Variants in KL observed in about 807,000 individuals in gnomAD.
The protein encoded by KL is klotho.
In KL, 62 loss-of-function variants were observed where a neutral mutation model predicts 84.2. The observed-to-expected ratio is 0.74, with a 90% CI of 0.60 to 0.91. The LOEUF (loss-of-function observed/expected upper bound fraction) is 0.91, where lower values mean the gene tolerates loss of function less well. Ranked by LOEUF, KL falls within the 40% of genes least tolerant of loss-of-function variation. KL has a pLI of 0.00. For missense variants in KL, 1,261 were observed against 1,305.7 expected, an observed-to-expected ratio of 0.97 and a Z score of 0.53; for synonymous variants, 528 against 528.0, an observed-to-expected ratio of 1.00 and a Z score of 0.00.
chr13:33,059,687 G>A (rs1024134309), intron 3 of KL, among the ~76,000 whole-genome samples: 2 of 152,118 alleles, frequency 1.3e-5, no homozygotes, highest in Non-Finnish European at 2.9e-5. Context: ...TGGTCAGGCT[G>A]GTCTCAAACT....
chr13:33,022,532 A>G (rs976438712), intron 1 of KL, among the ~76,000 whole-genome samples: 1 of 152,220 alleles, frequency 6.6e-6, no homozygotes. Flanking sequence ...CTTGAAATCT[A>G]TATTTAAACA....
chr13:33,018,910 C>T (rs570395130), intron 1 of KL, among the ~76,000 whole-genome samples: 9 of 152,300 alleles, frequency 5.9e-5, no homozygotes, highest in African/African-American at 1.9e-4. Context: ...AAGATAAAGA[C>T]TTGCGTGCTC....
Position 33,016,960 on chromosome 13 carries a change from C to A in KL, c.520C>A (p.Arg174=). 4 of 1,602,652 alleles carry A rather than the reference C, an allele frequency of 2.5e-6. No individual in the cohort carries two copies. Among genetic ancestry groups the A allele is most frequent in the Non-Finnish European group, 3.4e-6 (4 of 1,176,394 alleles). The change falls in exon 1 of 5, where the codon CGG becomes AGG. Residue 174 remains arginine, a synonymous_variant. Transcript: ENST00000380099. ...VPNREGLRYY[R]RLLERLRELG... The stretch of plus-strand genomic sequence containing the variant: ...CAACCGCGAGGGGCTGCGCTACTAC[C>A]GGCGCCTGCTGGAGCGGCTGCGGGA...
At position 33,016,656 on chromosome 13, in the gene KL, C is replaced by G; in HGVS notation, c.216C>G (p.Ala72=). The G allele has an allele frequency of 6.3e-7, 1 of 1,585,586 alleles. No individual in the cohort carries two copies. The highest frequency in any genetic ancestry group is 8.6e-7 in the Non-Finnish European group (1 of 1,166,168). ...PDGFLWAVGS[A]AYQTEGGWQQ... is the part of the protein sequence containing the mutation. ...GCTTCCTCTGGGCCGTGGGCAGCGC[C>G]GCCTACCAGACCGAGGGCGGCTGGC... is the stretch of plus-strand genomic sequence containing the variant. Residue 72 remains alanine (A), a synonymous_variant, in exon 1 of 5, where the codon GCC becomes GCG. Coordinates refer to ENST00000380099, the MANE Select transcript of KL (RefSeq NM_004795.4).
chr13:33,016,742 C>T lies in KL; in HGVS notation c.302C>T (p.Pro101Leu), dbSNP rs569111695. ...DTFTHHPLAP[P>L]GDSRNASLPL... ...TTCACCCACCACCCCCTGGCACCCC[C>T]GGGAGACTCCCGGAACGCCAGTCTG... Residue 101 changes from proline to leucine, a missense_variant, in exon 1 of 5, where the codon CCG becomes CTG. Physicochemically the swap from Pro to Leu is moderately conservative, Grantham distance 98 (BLOSUM62 -3). Transcript: ENST00000380099. 5.0e-6 allele frequency: 8 copies of T among 1,611,624 alleles called. No individual in the cohort carries two copies. Among genetic ancestry groups the T allele is most frequent in the Admixed American group, 1.7e-5 (1 of 59,948 alleles).
In KL at chr13:33,060,944, T is replaced by C. The variant is rs748251877; in HGVS notation, c.1865T>C (p.Met622Thr). 8 of 1,611,928 alleles carry C rather than the reference T, an allele frequency of 5.0e-6. No individual in the cohort carries two copies. The Admixed American group carries it at 1.2e-4, about 24-fold the overall frequency. Residue 622 changes from methionine (M) to threonine (T), a missense_variant, in exon 4 of 5, where the codon ATG (methionine) becomes ACG (threonine). Transcript: ENST00000380099. ...ACCATCCTGCAGTACTATCGCTGCA[T>C]GGCCAGCGAGCTTGTCCGTGTCAAC... ...NHTILQYYRC[M>T]ASELVRVNIT...
Position 33,054,180 on chromosome 13 carries a change from T to C in KL, c.1233T>C (p.Phe411=). The C allele has an allele frequency of 6.2e-7, 1 of 1,613,884 alleles. No individual in the cohort carries two copies. The highest frequency in any genetic ancestry group is 1.1e-5 in the South Asian group (1 of 91,058). ...IDLEFNHPQI[F]IVENGWFVSG... is the part of the protein sequence containing the mutation. ...TTGAATTTAACCATCCTCAAATATT[T>C]ATTGTGGAAAATGGCTGGTTTGTCT... Residue 411 remains phenylalanine (F), a synonymous_variant, in exon 2 of 5, where the codon TTT becomes TTC. Transcript: ENST00000380099.
Position 33,016,980 on chromosome 13 carries a change from G to A in KL, c.540G>A (p.Leu180=). The change falls in exon 1 of 5, where the codon CTG becomes CTA. Residue 180 remains leucine (L), a synonymous_variant. Transcript: ENST00000380099. ...LRYYRRLLER[L]RELGVQPVVT... ...ACTACCGGCGCCTGCTGGAGCGGCT[G>A]CGGGAGCTGGGCGTGCAGCCCGTGG... The A allele has an allele frequency of 6.3e-7, 1 of 1,595,548 alleles. No homozygotes were observed. The highest frequency in any genetic ancestry group is 8.5e-7 in the Non-Finnish European group (1 of 1,173,700).
At position 33,060,671 on chromosome 13, in the gene KL, C is replaced by G. The variant is rs369678312; in HGVS notation, c.1600-8C>G. The G allele has an allele frequency of 6.2e-6, 10 of 1,614,052 alleles. No homozygotes were observed. The highest frequency in any genetic ancestry group is 8.5e-6 in the Non-Finnish European group (10 of 1,180,040). On this transcript the variant is annotated splice_region_variant and splice_polypyrimidine_tract_variant and intron_variant, in intron 3 of 4. Coordinates refer to ENST00000380099, the MANE Select transcript of KL (RefSeq NM_004795.4). ...AGGTGACGCTAATGTTTACTCTGCC[C>G]TTCACAGGTAGATACCACTCTGTCT...
chr13:33,038,739 C>T (rs562446244), intron 1 of KL, among the ~76,000 whole-genome samples: 1 of 152,076 alleles, frequency 6.6e-6, no homozygotes, highest in Non-Finnish European at 1.5e-5. Flanking sequence ...AATAAGTAAT[C>T]ATTGAAAAGT....
chr13:33,046,652 T>G (rs945819460), intron 1 of KL, among the ~76,000 whole-genome samples: 3 of 152,134 alleles, frequency 2.0e-5, no homozygotes, highest in African/African-American at 7.2e-5. Context: ...TCCATTCTAA[T>G]TTTTATTAGT....
In KL at chr13:33,029,454, G is replaced by A. The variant is rs534594790; in HGVS notation, c.819+12195G>A. 2.6e-5 allele frequency among the ~76,000 whole-genome samples: 4 copies of A among 152,174 alleles called. No individual in the cohort carries two copies. In the South Asian group the frequency reaches 8.3e-4, roughly 32 times the overall value. On this transcript the variant is annotated intron_variant, in intron 1 of 4. Transcript: ENST00000380099. ...CTCTTAAAATATATTTTTTCAAGTG[G>A]CAACAGTACTATCTTATTTGCACTC...
At chr13:33,044,341 T>C (rs1871443366) in intron 1 of KL, among the ~76,000 whole-genome samples, 1 of 152,208 alleles carries the variant, frequency 6.6e-6, no homozygotes, top group African/African-American at 2.4e-5. Flanking sequence ...AGAATCAACT[T>C]ATTCATTTCT....
chr13:33,046,685 GT>G (rs1452357004), intron 1 of KL, among the ~76,000 whole-genome samples: 2 of 147,954 alleles, frequency 1.4e-5, no homozygotes, highest in East Asian at 2.0e-4. Flanking sequence ...TTAGCTGTGA[GT>G]TTAGTTGGCT....
intron 1 of KL, among the ~76,000 whole-genome samples, chr13:33,044,677 G>A (rs1871463622): frequency 1.3e-5 from 1 of 78,696 alleles, no homozygotes; most frequent in African/African-American, 4.2e-5. Flanking sequence ...TTGAGACAGA[G>A]GCTTACTTTG....
chr13:33,028,411 A>G (rs1870855990), intron 1 of KL, among the ~76,000 whole-genome samples: 1 of 152,202 alleles, frequency 6.6e-6, no homozygotes. Context: ...ATCTTCCATA[A>G]ACCCTTTCTC....
At chr13:33,033,403 A>G (rs1871042790) in intron 1 of KL, among the ~76,000 whole-genome samples, 1 of 152,230 alleles carries the variant, frequency 6.6e-6, no homozygotes, top group Admixed American at 6.5e-5. Context: ...TTAACGCTGC[A>G]GTTCCCTGTT....
rs139483817 is a variant in KL at position 33,052,039 on chromosome 13, C to T, written c.820-1728C>T. Among the ~76,000 whole-genome samples the T allele has an allele frequency of 4.0e-3, 610 of 152,350 alleles. 2 individuals are homozygous for T. Among genetic ancestry groups the T allele is most frequent in the Non-Finnish European group, 6.9e-3 (468 of 68,032 alleles). On this transcript the variant is annotated intron_variant, in intron 1 of 4. Coordinates refer to ENST00000380099, the MANE Select transcript of KL (RefSeq NM_004795.4). ...TGGTGTGAACATGGCTCACCGAAGC[C>T]TCCATCTCCTGGGCTCAAGTGATCC... is the stretch of plus-strand genomic sequence containing the variant.
intron 3 of KL, among the ~76,000 whole-genome samples, chr13:33,060,281 C>T (rs79771067): frequency 0.012 from 1,870 of 152,246 alleles, 52 homozygotes; most frequent in African/African-American, 0.042. Context: ...TTTTTTTCAT[C>T]TAGTTTTTTT....
Sources: allele counts gnomAD v4.1 joint callset (sites outside exome capture counted in the v4.1 genomes callset), GRCh38; gene constraint gnomAD v4.1.1; transcripts MANE v1.5; gene names NCBI Gene and HGNC (gene_info 2026-07-23, HGNC 2026-07-21).